AGBL1: variants seen among roughly 807,000 people sequenced by gnomAD.
The protein encoded by AGBL1 is cytosolic carboxypeptidase 4.
In AGBL1, 130 loss-of-function variants were observed where a neutral mutation model predicts 118.9. The ratio of observed to expected loss-of-function variants is 1.09; its 90% CI spans 0.95 to 1.26. The LOEUF is 1.26. Among genes scored for constraint, AGBL1 ranks in the 50% most tolerant of loss-of-function variants. The probability of loss-of-function intolerance (pLI) is 0.00; values close to 1 mark genes in which losing one functional copy is unlikely to be tolerated. For synonymous variants in AGBL1, 555 were observed against 478.9 expected (o/e 1.16, Z -2.08); for missense variants, 1,584 against 1,298.1 (o/e 1.22, Z -3.38).
At chr15:86,313,490 T>G (rs369836395) in intron 17 of AGBL1, among the ~76,000 whole-genome samples, 1 of 152,194 alleles carries the variant, frequency 6.6e-6, no homozygotes, top group Admixed American at 6.5e-5. Flanking sequence ...AATTTCTAAT[T>G]CACAAGGAAA....
intron 22 of AGBL1, among the ~76,000 whole-genome samples, chr15:86,904,542 T>A (rs2080254985): frequency 6.7e-6 from 1 of 149,178 alleles, no homozygotes; most frequent in African/African-American, 2.4e-5. Context: ...TATATATATG[T>A]TTATAACATA....
At chr15:86,108,182 G>C (rs1897161149) in intron 1 of AGBL1, among the ~76,000 whole-genome samples, 1 of 152,144 alleles carries the variant, frequency 6.6e-6, no homozygotes, top group Admixed American at 6.5e-5. Flanking sequence ...TTTGACAAAA[G>C]CAAGGAATAG....
chr15:86,455,159 T>G (rs2082244458), intron 18 of AGBL1, among the ~76,000 whole-genome samples: 1 of 152,290 alleles, frequency 6.6e-6, no homozygotes, highest in Middle Eastern at 3.4e-3. Context: ...CAGTGCATAT[T>G]TATTGATTTG....
At chr15:86,974,642 G>T (rs1408601514) in intron 23 of AGBL1, among the ~76,000 whole-genome samples, 1 of 143,058 alleles carries the variant, frequency 7.0e-6, no homozygotes, top group Non-Finnish European at 1.5e-5. Context: ...TAACTTTTCT[G>T]CAAAAAAAGA....
chr15:86,245,350 A>G (rs1378685818), intron 6 of AGBL1, among the ~76,000 whole-genome samples: 1 of 152,194 alleles, frequency 6.6e-6, no homozygotes, highest in Non-Finnish European at 1.5e-5. Context: ...ACTCAGCCAG[A>G]AGCACATACT....
chr15:86,801,313 C>CTA (rs772439779), intron 22 of AGBL1, among the ~76,000 whole-genome samples: 1,851 of 117,186 alleles, frequency 0.016, 12 homozygotes, highest in Non-Finnish European at 0.022. Context: ...ATGATTACAT[C>CTA]TATCTATCTA....
intron 21 of AGBL1, among the ~76,000 whole-genome samples, chr15:86,594,476 A>G (rs747339507): frequency 6.6e-6 from 1 of 152,194 alleles, no homozygotes; most frequent in Non-Finnish European, 1.5e-5. Flanking sequence ...GAATATTGCT[A>G]TAATTCATCT....
chr15:86,285,105 G>A (rs543987224), intron 16 of AGBL1, among the ~76,000 whole-genome samples: 1 of 152,252 alleles, frequency 6.6e-6, no homozygotes, highest in Admixed American at 6.5e-5. Flanking sequence ...CCAGAGATGG[G>A]AGATCATTTT....
At chr15:86,936,406 A>G (rs2080675778) in intron 23 of AGBL1, among the ~76,000 whole-genome samples, 2 of 152,192 alleles carry the variant, frequency 1.3e-5, no homozygotes, top group Non-Finnish European at 2.9e-5. Flanking sequence ...TCTGGTGTAT[A>G]TTGACACTTC....
At chr15:86,663,474 T>C (rs983665169) in intron 21 of AGBL1, among the ~76,000 whole-genome samples, 1 of 152,142 alleles carries the variant, frequency 6.6e-6, no homozygotes, top group Non-Finnish European at 1.5e-5. Context: ...ACGAGGTAGC[T>C]GCAGGTAGGT....
intron 23 of AGBL1, among the ~76,000 whole-genome samples, chr15:86,922,780 G>A (rs533098203): frequency 1.3e-5 from 2 of 152,246 alleles, no homozygotes; most frequent in South Asian, 4.2e-4. Flanking sequence ...AACAATCCAG[G>A]TGGAAAAGAG....
chr15:86,128,525 A>G (rs1379540805), intron 1 of AGBL1, among the ~76,000 whole-genome samples: 1 of 152,228 alleles, frequency 6.6e-6, no homozygotes, highest in African/African-American at 2.4e-5. Context: ...GCAACTTGGG[A>G]GGAAGCTGGA....
chr15:86,291,518 A>C (rs2141760391), intron 16 of AGBL1, among the ~76,000 whole-genome samples: 2 of 152,316 alleles, frequency 1.3e-5, no homozygotes, highest in Non-Finnish European at 2.9e-5. Context: ...TTTATCCAGA[A>C]GTAAATTTAC....
intron 18 of AGBL1, among the ~76,000 whole-genome samples, chr15:86,505,988 A>G (rs1054810880): frequency 1.5e-4 from 23 of 152,162 alleles, no homozygotes; most frequent in Admixed American, 1.1e-3. Context: ...TGTTCTTGTC[A>G]TGTGCAGCCA....
chr15:86,753,415 T>TTTTTTTC (rs35941815), intron 22 of AGBL1, among the ~76,000 whole-genome samples: 86 of 139,730 alleles, frequency 6.2e-4, no homozygotes, highest in Non-Finnish European at 8.2e-4. Flanking sequence ...TTTTTTTTTT[T>TTTTTTTC]GAGACAGAGT....
At chr15:86,747,234 A>G (rs1449404073) in intron 22 of AGBL1, among the ~76,000 whole-genome samples, 1 of 152,114 alleles carries the variant, frequency 6.6e-6, no homozygotes. Flanking sequence ...CCTGCCTCAA[A>G]TAATGCTTAT....
At position 86,583,751 on chromosome 15, in the gene AGBL1, T is replaced by C. The variant is rs148723503; in HGVS notation, c.2994+29214T>C. ...ACACAGTAGTTCTGTTCTAAGTTCT[T>C]TGAGAAATCTCCAAACTGCTTTCCC... On this transcript the variant is annotated intron_variant, in intron 21 of 22. Coordinates refer to ENST00000614907, the MANE Select transcript of AGBL1 (RefSeq NM_001386094.1). 4.5e-3 allele frequency among the ~76,000 whole-genome samples: 688 copies of C among 152,314 alleles called. 8 individuals carry two copies. Among genetic ancestry groups the C allele is most frequent in the African/African-American group, 0.016 (648 of 41,568 alleles).
chr15:86,597,095 T>C (rs1233389987), intron 21 of AGBL1, among the ~76,000 whole-genome samples: 2 of 152,002 alleles, frequency 1.3e-5, no homozygotes, highest in African/African-American at 2.4e-5. Context: ...ATATCCATGA[T>C]AGATTGATCT....
intron 24 of AGBL1, among the ~76,000 whole-genome samples, chr15:87,023,246 C>T (rs112854292): frequency 1.8e-3 from 266 of 151,976 alleles, no homozygotes; most frequent in South Asian, 3.5e-3. Context: ...TCATTTAACA[C>T]GTAAGGACTC....
Sources: gnomAD v4.1 joint callset for allele counts (sites outside exome capture counted in the v4.1 genomes callset) on GRCh38, gnomAD v4.1.1 for gene constraint, MANE v1.5 for transcripts, NCBI Gene and HGNC (gene_info 2026-07-23, HGNC 2026-07-21) for gene names.